The following DNER variants were observed in gnomAD, a reference collection of about 807,000 sequenced individuals.
The protein encoded by DNER is delta/notch like EGF repeat containing.
In DNER, 33 loss-of-function variants were observed where a neutral mutation model predicts 78.2. The observed-to-expected ratio is 0.42, with a 90% CI of 0.32 to 0.56. The LOEUF (loss-of-function observed/expected upper bound fraction) is 0.56. Among genes scored for constraint, DNER ranks in the 20% least tolerant of loss-of-function variants. The pLI is 0.11. For missense variants in DNER, 918 were observed against 975.3 expected (o/e 0.94, Z 0.78); for synonymous variants, 417 against 384.8 (o/e 1.08, Z -0.98).
At chr2:229,389,752 T>C (rs116686032) in intron 10 of DNER, among the ~76,000 whole-genome samples, 33 of 152,358 alleles carry the variant, frequency 2.2e-4, no homozygotes, top group African/African-American at 7.7e-4. Context: ...TCCATGTCTG[T>C]TTCATCTCAC....
At chr2:229,687,124 G>A (rs976007074) in intron 1 of DNER, among the ~76,000 whole-genome samples, 7 of 152,116 alleles carry the variant, frequency 4.6e-5, no homozygotes, top group Non-Finnish European at 7.3e-5. Context: ...ATCTTTTGCA[G>A]TGGCTAAGCT....
intron 1 of DNER, among the ~76,000 whole-genome samples, chr2:229,678,465 T>A (rs554030799): frequency 2.0e-5 from 3 of 152,258 alleles, no homozygotes; most frequent in Non-Finnish European, 2.9e-5. Context: ...AATGCAGAAA[T>A]TAGCTACATA....
rs149897676 is a variant in DNER at position 229,512,912 on chromosome 2, C to T, written c.1018G>A (p.Glu340Lys). ...TCACAGAAAGTACCCACGTACTGCT[C>T]CTCACAGGTACAGGAAAAAGTTGCC... is the stretch of plus-strand genomic sequence containing the variant. ...SEATFSCTCE[E>K]QYVGTFCEEY... The change falls in exon 6 of 13, where the codon GAG (glutamate) becomes AAG (lysine). Residue 340 changes from glutamate (E) to lysine (K), a missense_variant. Transcript: ENST00000341772. The T allele has an allele frequency of 1.2e-5, 19 of 1,614,054 alleles. No individual in the cohort carries two copies. Among genetic ancestry groups the T allele is most frequent in the Non-Finnish European group, 1.5e-5 (18 of 1,179,974 alleles).
At chr2:229,626,324 C>A (rs2154215605) in intron 1 of DNER, among the ~76,000 whole-genome samples, 1 of 152,308 alleles carries the variant, frequency 6.6e-6, no homozygotes, top group East Asian at 1.9e-4. Flanking sequence ...CTGTTCAAAC[C>A]ATTACATGCA....
intron 11 of DNER, among the ~76,000 whole-genome samples, chr2:229,383,834 A>G (rs1157892973): frequency 2.0e-5 from 3 of 152,182 alleles, no homozygotes; most frequent in Non-Finnish European, 1.5e-5. Context: ...CCCTACTGTC[A>G]ATATTAGACA....
At chr2:229,567,024 A>C (rs1047754304) in intron 4 of DNER, among the ~76,000 whole-genome samples, 3 of 152,076 alleles carry the variant, frequency 2.0e-5, no homozygotes, top group African/African-American at 7.2e-5. Context: ...TTACTCTCCA[A>C]GCTCCAGCCT....
At chr2:229,543,776 C>A (rs2154213123) in intron 5 of DNER, among the ~76,000 whole-genome samples, 1 of 152,300 alleles carries the variant, frequency 6.6e-6, no homozygotes, top group African/African-American at 2.4e-5. Context: ...CTCCCATAGA[C>A]AAGTCCTGCA....
intron 8 of DNER, among the ~76,000 whole-genome samples, chr2:229,423,706 T>TA (rs142756778): frequency 3.3e-5 from 5 of 152,176 alleles, no homozygotes; most frequent in Non-Finnish European, 5.9e-5. Context: ...TTTATCATTT[T>TA]AAAAAAACAC....
At chr2:229,462,167 G>C (rs1694716593) in intron 7 of DNER, among the ~76,000 whole-genome samples, 1 of 151,990 alleles carries the variant, frequency 6.6e-6, no homozygotes, top group Non-Finnish European at 1.5e-5. Flanking sequence ...CAATACCCTT[G>C]AGATACACCC....
At position 229,615,435 on chromosome 2, in the gene DNER, C is replaced by T. The variant is rs1409118408; in HGVS notation, c.277-23547G>A. Among the ~76,000 whole-genome samples, 19 of 150,500 alleles carry T rather than the reference C, an allele frequency of 1.3e-4. No homozygotes were observed. The South Asian group carries it at 2.3e-3, about 18-fold the overall frequency. ...TTAAAAAAAAAAAAAAAAGGCCGGGCGCGGTGGTTCACGCCTGTAATCCCA... is the reference window on the plus strand; with the variant it reads ...TTAAAAAAAAAAAAAAAAGGCCGGGTGCGGTGGTTCACGCCTGTAATCCCA... On this transcript the variant is annotated intron_variant, in intron 1 of 12. Transcript: ENST00000341772.
At chr2:229,644,233 A>T (rs542886698) in intron 1 of DNER, among the ~76,000 whole-genome samples, 1 of 152,148 alleles carries the variant, frequency 6.6e-6, no homozygotes, top group East Asian at 1.9e-4. Flanking sequence ...ATGTGTGATA[A>T]TCATATCGTG....
intron 9 of DNER, among the ~76,000 whole-genome samples, chr2:229,408,296 T>A (rs1361464867): frequency 1.3e-5 from 2 of 152,194 alleles, no homozygotes; most frequent in Non-Finnish European, 2.9e-5. Flanking sequence ...ATCTATTTTT[T>A]TATAATTTTA....
In DNER at chr2:229,388,293, A is replaced by T. The variant is rs1192718633; in HGVS notation, c.1827T>A (p.His609Gln). The change falls in exon 11 of 13, where the codon CAT becomes CAA. Residue 609 changes from histidine (H) to glutamine (Q), a missense_variant. His to Gln is a conservative substitution (Grantham distance 24). Coordinates refer to ENST00000341772, the MANE Select transcript of DNER (RefSeq NM_139072.4). ...TCTCACAGTTTGCTCCCACCCAACC[A>T]TGCGGGCAGTGGCAGTTATAACCAT... ...QPNGYNCHCP[H>Q]GWVGANCEIH... 2 of 1,610,564 alleles carry T rather than the reference A, an allele frequency of 1.2e-6. No homozygotes were observed. Among genetic ancestry groups the T allele is most frequent in the South Asian group, 2.2e-5 (2 of 90,652 alleles).
At chr2:229,678,960 C>T (rs1195671264) in intron 1 of DNER, among the ~76,000 whole-genome samples, 1 of 152,180 alleles carries the variant, frequency 6.6e-6, no homozygotes, top group East Asian at 1.9e-4. Context: ...ATGTGAGGGG[C>T]TTCCCCAATG....
At chr2:229,671,986 C>A (rs778565340) in intron 1 of DNER, among the ~76,000 whole-genome samples, 14 of 152,166 alleles carry the variant, frequency 9.2e-5, no homozygotes, top group Non-Finnish European at 1.8e-4. Flanking sequence ...CAAAATGTAT[C>A]ATTGAGATAA....
At chr2:229,393,218 A>G (rs572785243) in intron 10 of DNER, among the ~76,000 whole-genome samples, 1 of 152,068 alleles carries the variant, frequency 6.6e-6, no homozygotes, top group Non-Finnish European at 1.5e-5. Context: ...ACCTGAGGTC[A>G]GGAGTTCGAG....
chr2:229,409,244 A>C (rs1473287696), intron 9 of DNER, among the ~76,000 whole-genome samples: 1 of 152,188 alleles, frequency 6.6e-6, no homozygotes, highest in Non-Finnish European at 1.5e-5. Context: ...TAAAATGTTT[A>C]TTGCAACACA....
intron 11 of DNER, among the ~76,000 whole-genome samples, chr2:229,376,532 C>T (rs1451977146): frequency 6.6e-6 from 1 of 152,148 alleles, no homozygotes; most frequent in East Asian, 1.9e-4. Context: ...AGCAAAACCC[C>T]TCAAATGTAT....
At chr2:229,426,031 A>G (rs1164815092) in intron 8 of DNER, among the ~76,000 whole-genome samples, 1 of 152,188 alleles carries the variant, frequency 6.6e-6, no homozygotes, top group Non-Finnish European at 1.5e-5. Context: ...ACACAACTCA[A>G]AGGATGTTTT....
Sources: gnomAD v4.1 joint callset for allele counts (sites outside exome capture counted in the v4.1 genomes callset) on GRCh38, gnomAD v4.1.1 for gene constraint, MANE v1.5 for transcripts, NCBI Gene and HGNC (gene_info 2026-07-23, HGNC 2026-07-21) for gene names.